Variants in SPATA33 observed in about 807,000 individuals in gnomAD.
The protein encoded by SPATA33 is spermatogenesis associated 33.
A neutral mutation model predicts 8.9 loss-of-function variants in SPATA33; 10 were observed. The ratio of observed to expected loss-of-function variants is 1.12; its 90% CI spans 0.69 to 1.90. SPATA33 has a LOEUF of 1.90. Among genes scored for constraint, SPATA33 ranks in the 40% most tolerant of loss-of-function variants. The probability of loss-of-function intolerance (pLI) is 0.00; values close to 1 mark genes in which losing one functional copy is unlikely to be tolerated. For missense variants in SPATA33, 241 were observed against 178.3 expected (o/e 1.35, Z -2.00); for synonymous variants, 96 against 72.8 (o/e 1.32, Z -1.63).
Position 89,657,842 on chromosome 16 carries a change from C to A in SPATA33, c.-70C>A. 3 of 1,510,354 alleles carry A rather than the reference C, an allele frequency of 2.0e-6. No homozygotes were observed. Among genetic ancestry groups the A allele is most frequent in the African/African-American group, 1.5e-5 (1 of 68,924 alleles). The allele number at this position is 1,510,354 out of a possible 1,614,324, so 93.6% of individuals were successfully genotyped here. On this transcript the variant is annotated 5_prime_UTR_variant, in exon 1 of 3. Coordinates refer to ENST00000579310, the MANE Select transcript of SPATA33 (RefSeq NM_001271907.2). ...GCTGGCGCGAGGACCTTTTGTGAGT[C>A]GCTCCCGGCTCCGCGGCCGCGGAGG...
At chr16:89,660,436 A>G (rs1160946891) in intron 2 of SPATA33, 3 of 1,230,462 alleles carry the variant, frequency 2.4e-6, no homozygotes, top group Non-Finnish European at 3.0e-6. Context: ...TGTCTGTCAC[A>G]CCAGAGGGTG....
intron 1 of SPATA33, 102 bp downstream of exon 1, chr16:89,658,050 C>A: frequency 3.4e-6 from 5 of 1,457,372 alleles, no homozygotes; most frequent in Non-Finnish European, 4.5e-6. Context: ...AGGCGCCAGG[C>A]TCGGCCCGGT....
intron 2 of SPATA33, among the ~76,000 whole-genome samples, chr16:89,667,561 G>T (rs2060043068): frequency 6.6e-6 from 1 of 152,146 alleles, no homozygotes; most frequent in South Asian, 2.1e-4. Flanking sequence ...TACTTGGAAG[G>T]CTGAAGTGGG....
intron 2 of SPATA33, among the ~76,000 whole-genome samples, chr16:89,665,813 A>T (rs537138951): frequency 1.3e-5 from 2 of 152,208 alleles, no homozygotes; most frequent in African/African-American, 4.8e-5. Flanking sequence ...AAGTGTAGTG[A>T]TTCACGCCTG....
intron 2 of SPATA33, chr16:89,660,561 G>A (rs2059953773): frequency 8.1e-7 from 1 of 1,231,636 alleles, no homozygotes; most frequent in Non-Finnish European, 1.0e-6. Flanking sequence ...GCGACAGTGA[G>A]GAGCAGGCTG....
chr16:89,669,604 G>T lies in SPATA33; in HGVS notation c.*107G>T. 1 of 1,153,142 alleles carries T rather than the reference G, an allele frequency of 8.7e-7. No individual in the cohort carries two copies. Among genetic ancestry groups the T allele is most frequent in the Non-Finnish European group, 1.2e-6 (1 of 818,018 alleles). 71.4% of individuals were successfully genotyped at this position (1,153,142 alleles called of 1,614,324 possible). On this transcript the variant is annotated 3_prime_UTR_variant, in exon 3 of 3. Coordinates refer to ENST00000579310, the MANE Select transcript of SPATA33 (RefSeq NM_001271907.2). ...CCCCTTCTCCAGTGCTCTCGGGGAG[G>T]TTGCACCAGGCCCACCCCACCCTGT...
intron 2 of SPATA33, among the ~76,000 whole-genome samples, chr16:89,662,918 C>G (rs751688554): frequency 3.5e-4 from 53 of 152,074 alleles, no homozygotes; most frequent in Non-Finnish European, 6.2e-4. Context: ...CTCAGCCTCC[C>G]GAGTAGCTGA....
Position 89,669,447 on chromosome 16 carries a change from C to G in SPATA33, c.373C>G (p.His125Asp). 6.2e-7 allele frequency: 1 copy of G among 1,613,826 alleles called. No individual in the cohort carries two copies. The highest frequency in any genetic ancestry group is 8.5e-7 in the Non-Finnish European group (1 of 1,180,020). Reference protein sequence around the residue: ...EPEDWGPYRRHRNPSTADAYN... With the variant: ...EPEDWGPYRRDRNPSTADAYN... ...GGAGGACTGGGGCCCCTACCGGCGG[C>G]ACAGGAACCCCAGTACAGCAGACGC... Residue 125 changes from histidine to aspartate, a missense_variant, in exon 3 of 3, where the codon CAC becomes GAC. His to Asp is a moderately conservative substitution (Grantham distance 81, BLOSUM62 -1). Transcript: ENST00000579310.
intron 2 of SPATA33, among the ~76,000 whole-genome samples, chr16:89,668,685 C>G (rs1233834266): frequency 1.3e-5 from 2 of 152,030 alleles, no homozygotes; most frequent in Non-Finnish European, 2.9e-5. Flanking sequence ...GCGGCTGTGC[C>G]CGAGCTTGTA....
At chr16:89,660,437 C>T (rs1597801526) in intron 2 of SPATA33, 3 of 1,230,086 alleles carry the variant, frequency 2.4e-6, no homozygotes, top group Non-Finnish European at 3.0e-6. Flanking sequence ...GTCTGTCACA[C>T]CAGAGGGTGG....
At chr16:89,658,450 A>T (rs2059915572) in intron 2 of SPATA33, 29 bp downstream of exon 2, 3 of 1,572,532 alleles carry the variant, frequency 1.9e-6, no homozygotes, top group South Asian at 1.1e-5. Context: ...GAGCGAAGCG[A>T]GGTCAGTGGC....
chr16:89,660,169 G>C (rs1208487473), intron 2 of SPATA33: 6 of 211,852 alleles, frequency 2.8e-5, no homozygotes, highest in Non-Finnish European at 5.6e-5. Context: ...CACTCTCAGT[G>C]TCCACAGCCC....
intron 2 of SPATA33, 112 bp downstream of exon 2, chr16:89,658,533 G>A (rs1419779893): frequency 2.2e-6 from 3 of 1,380,086 alleles, no homozygotes; most frequent in African/African-American, 1.5e-5. Flanking sequence ...GCAGGCACGC[G>A]CCGTAAAGAT....
At chr16:89,657,989 C>A in intron 1 of SPATA33, 41 bp downstream of exon 1, 1 of 1,503,632 alleles carries the variant, frequency 6.7e-7, no homozygotes, top group Non-Finnish European at 8.8e-7. Context: ...CGTCTCCGCC[C>A]CTGGGCGCGG....
At chr16:89,662,389 C>T (rs2059975911) in intron 2 of SPATA33, among the ~76,000 whole-genome samples, 1 of 150,918 alleles carries the variant, frequency 6.6e-6, no homozygotes, top group South Asian at 2.1e-4. Context: ...GGTGCTCATT[C>T]ACTATTCTAT....
intron 2 of SPATA33, among the ~76,000 whole-genome samples, chr16:89,664,619 C>T (rs2060001901): frequency 1.3e-5 from 2 of 149,124 alleles, no homozygotes; most frequent in South Asian, 2.2e-4. Context: ...CTTTAGGGCC[C>T]GACCTGATCA....
intron 2 of SPATA33, chr16:89,659,178 G>A (rs1232501498): frequency 6.6e-6 from 1 of 152,254 alleles, no homozygotes; most frequent in African/African-American, 2.4e-5. Context: ...GCGGCATGAT[G>A]AGGTCTGTGC....
At chr16:89,668,660 C>T (rs968554413) in intron 2 of SPATA33, among the ~76,000 whole-genome samples, 4 of 151,976 alleles carry the variant, frequency 2.6e-5, no homozygotes, top group Admixed American at 6.6e-5. Context: ...CAGTGGCACT[C>T]CACGAAGGGG....
At chr16:89,668,316 A>T (rs568344791) in intron 2 of SPATA33, among the ~76,000 whole-genome samples, 143 of 152,360 alleles carry the variant, frequency 9.4e-4, no homozygotes, top group African/African-American at 3.3e-3. Flanking sequence ...CGTCTCAAAA[A>T]CTAAGAAGAA....
Sources: allele counts gnomAD v4.1 joint callset (sites outside exome capture counted in the v4.1 genomes callset), GRCh38; gene constraint gnomAD v4.1.1; transcripts MANE v1.5; gene names NCBI Gene and HGNC (gene_info 2026-07-23, HGNC 2026-07-21).